TMEM163: variants seen among roughly 807,000 people sequenced by gnomAD.
TMEM163 encodes the protein transmembrane protein 163.
Under a neutral mutation model 29.3 loss-of-function variants are expected in TMEM163, and 17 were observed. The observed-to-expected ratio is 0.58, with a 90% CI of 0.40 to 0.87. The LOEUF (loss-of-function observed/expected upper bound fraction) is 0.87, where lower values mean the gene tolerates loss of function less well. TMEM163 is among the 40% of genes least tolerant of loss of function. The pLI, the probability that TMEM163 is intolerant of heterozygous loss-of-function variation, is 0.00. For missense variants in TMEM163, 303 were observed against 381.5 expected (o/e 0.79, Z 1.71); for synonymous variants, 157 against 160.6 (o/e 0.98, Z 0.17).
At chr2:134,680,376 C>A (rs1002102545) in intron 2 of TMEM163, among the ~76,000 whole-genome samples, 1 of 150,986 alleles carries the variant, frequency 6.6e-6, no homozygotes, top group African/African-American at 2.4e-5. Context: ...AAAAAAAAAG[C>A]TCTGTATGGA....
chr2:134,650,004 T>TAA (rs1319130397), intron 2 of TMEM163, among the ~76,000 whole-genome samples: 8,208 of 97,250 alleles, frequency 0.084, 453 homozygotes, highest in South Asian at 0.12. Context: ...GACCCTGTCT[T>TAA]AAAAAAAAAA....
chr2:134,625,885 A>G (rs1245063177), intron 2 of TMEM163, among the ~76,000 whole-genome samples: 1 of 152,076 alleles, frequency 6.6e-6, no homozygotes, highest in Non-Finnish European at 1.5e-5. Flanking sequence ...TGTCTCCCCA[A>G]CCCGCTTACA....
intron 2 of TMEM163, among the ~76,000 whole-genome samples, chr2:134,587,430 A>G (rs1015719742): frequency 1.3e-5 from 2 of 152,238 alleles, no homozygotes; most frequent in East Asian, 1.9e-4. Flanking sequence ...AGAAAAAAAC[A>G]AAGTATCACC....
intron 5 of TMEM163, among the ~76,000 whole-genome samples, chr2:134,487,350 G>C (rs1679338686): frequency 6.6e-6 from 1 of 152,020 alleles, no homozygotes; most frequent in Non-Finnish European, 1.5e-5. Context: ...ACACTTAATA[G>C]CAATAAAACT....
At chr2:134,517,266 T>TC (rs1341744924) in intron 4 of TMEM163, among the ~76,000 whole-genome samples, 1 of 152,134 alleles carries the variant, frequency 6.6e-6, no homozygotes, top group Non-Finnish European at 1.5e-5. Context: ...CAGAGAACTC[T>TC]CGTGGACTTC....
intron 4 of TMEM163, among the ~76,000 whole-genome samples, chr2:134,516,570 TAA>T (rs1241742344): frequency 9.4e-5 from 14 of 149,458 alleles, no homozygotes; most frequent in African/African-American, 3.2e-4. Context: ...CAAAAATAAA[TAA>T]ATATATATAT....
At chr2:134,536,485 T>C (rs1026226101) in intron 4 of TMEM163, among the ~76,000 whole-genome samples, 2 of 152,038 alleles carry the variant, frequency 1.3e-5, no homozygotes, top group African/African-American at 4.8e-5. Context: ...TGCCTTGAAG[T>C]GAAGGCAGCC....
intron 2 of TMEM163, among the ~76,000 whole-genome samples, chr2:134,562,498 G>C (rs1404890796): frequency 6.6e-6 from 1 of 152,364 alleles, no homozygotes; most frequent in South Asian, 2.1e-4. Context: ...GGTCATCCTT[G>C]CCAGGCCACT....
intron 5 of TMEM163, chr2:134,468,904 G>C (rs895238049): frequency 7.9e-5 from 12 of 152,204 alleles, no homozygotes; most frequent in African/African-American, 2.9e-4. Context: ...AAACTCCATG[G>C]CTTACTGGGA....
At chr2:134,624,753 A>G (rs1187271690) in intron 2 of TMEM163, among the ~76,000 whole-genome samples, 1 of 152,026 alleles carries the variant, frequency 6.6e-6, no homozygotes, top group Non-Finnish European at 1.5e-5. Flanking sequence ...TACTAAAAAT[A>G]CAAAAATTAG....
At chr2:134,681,218 C>CAT (rs1684224819) in intron 2 of TMEM163, among the ~76,000 whole-genome samples, 1 of 152,200 alleles carries the variant, frequency 6.6e-6, no homozygotes. Context: ...AAAGGGTCAC[C>CAT]GTGGCCATCT....
At chr2:134,557,206 A>C (rs1681066360) in intron 2 of TMEM163, among the ~76,000 whole-genome samples, 1 of 152,234 alleles carries the variant, frequency 6.6e-6, no homozygotes, top group Non-Finnish European at 1.5e-5. Flanking sequence ...TTCGGGCAAG[A>C]CACAAGATGA....
intron 2 of TMEM163, among the ~76,000 whole-genome samples, chr2:134,619,449 A>G (rs1265181417): frequency 6.6e-6 from 1 of 152,234 alleles, no homozygotes; most frequent in Non-Finnish European, 1.5e-5. Flanking sequence ...TTGGTTTAAC[A>G]TCCAAAATTC....
At chr2:134,623,484 G>A (rs561182232) in intron 2 of TMEM163, among the ~76,000 whole-genome samples, 3 of 152,284 alleles carry the variant, frequency 2.0e-5, no homozygotes, top group East Asian at 1.9e-4. Context: ...AGGGATATAA[G>A]TTGCCGGCCG....
chr2:134,631,013 G>GA (rs35010747), intron 2 of TMEM163, among the ~76,000 whole-genome samples: 111,745 of 150,526 alleles, frequency 0.74, 42,336 homozygotes, highest in Non-Finnish European at 0.81. Context: ...ACACTTGAGG[G>GA]AAAAAAAAAA....
chr2:134,493,167 G>T (rs987991593), intron 5 of TMEM163, among the ~76,000 whole-genome samples: 2 of 151,852 alleles, frequency 1.3e-5, no homozygotes, highest in Non-Finnish European at 2.9e-5. Context: ...AATCATATAA[G>T]TCCCTTTTCT....
At chr2:134,612,542 A>AACACACACACAC (rs3039625) in intron 2 of TMEM163, among the ~76,000 whole-genome samples, 50,709 of 140,212 alleles carry the variant, frequency 0.36, 10,485 homozygotes, top group Non-Finnish European at 0.48. Context: ...GGTTTGCCCC[A>AACACACACACAC]ACACACACAC....
At chr2:134,654,394 T>G (rs1683550495) in intron 2 of TMEM163, among the ~76,000 whole-genome samples, 1 of 65,128 alleles carries the variant, frequency 1.5e-5, no homozygotes. Context: ...GTTTTCCATT[T>G]GCTTGGTAGA....
At chr2:134,467,205 G>A (rs149902498) in intron 5 of TMEM163, 11 of 152,308 alleles carry the variant, frequency 7.2e-5, no homozygotes, top group Non-Finnish European at 1.2e-4. Flanking sequence ...CAATGACGGT[G>A]GTGGTTTTGG....
Sources: allele counts gnomAD v4.1 joint callset (sites outside exome capture counted in the v4.1 genomes callset), GRCh38; gene constraint gnomAD v4.1.1; transcripts MANE v1.5; gene names NCBI Gene and HGNC (gene_info 2026-07-23, HGNC 2026-07-21).